Variants in TM4SF5 observed in about 807,000 individuals in gnomAD.
TM4SF5 encodes the protein transmembrane 4 L6 family member 5.
TM4SF5 carries 16 observed loss-of-function variants against 22.3 expected under a neutral mutation model. The observed-to-expected ratio is 0.72, with a 90% CI of 0.49 to 1.09. TM4SF5 has a LOEUF of 1.09. TM4SF5 is among the 50% of genes least tolerant of loss of function. The pLI is 0.00. For synonymous variants in TM4SF5, 113 were observed against 109.6 expected (o/e 1.03, Z -0.19); for missense variants, 249 against 266.1 (o/e 0.94, Z 0.45).
intron 2 of TM4SF5, 89 bp downstream of exon 2, chr17:4,780,958 C>T (rs1053360937): frequency 4.3e-5 from 48 of 1,125,544 alleles, no homozygotes; most frequent in African/African-American, 6.2e-5. Context: ...GGTGGGAGTA[C>T]GGCTTGAGCC....
At chr17:4,773,279 T>C (rs1045340546) in intron 1 of TM4SF5, among the ~76,000 whole-genome samples, 5 of 152,066 alleles carry the variant, frequency 3.3e-5, no homozygotes, top group Non-Finnish European at 5.9e-5. Flanking sequence ...GTGATCCTCC[T>C]GCCTCAGCCT....
At chr17:4,779,055 CAAAAA>C (rs1297196059) in intron 1 of TM4SF5, among the ~76,000 whole-genome samples, 1 of 54,740 alleles carries the variant, frequency 1.8e-5, no homozygotes. Flanking sequence ...GACTCCGTCT[CAAAAA>C]AAAAAAAAAA....
Position 4,782,519 on chromosome 17 carries a change from T to TCTCCCGAAC in TM4SF5, c.279_280insCGAACCTCC (p.Ser93_Ser94insArgThrSer). 1 of 1,613,570 alleles carries TCTCCCGAAC rather than the reference T, an allele frequency of 6.2e-7. No homozygotes were observed. Among genetic ancestry groups the TCTCCCGAAC allele is most frequent in the Non-Finnish European group, 8.5e-7 (1 of 1,179,958 alleles). The stretch of plus-strand genomic sequence containing the variant: ...CACATCCAGATGCTGCGCTCGGTCT[T>TCTCCCGAAC]CTCCTCGGCGTTCGGGGTGCTTGGT... On this transcript the variant is annotated inframe_insertion, in exon 3 of 5. Coordinates refer to ENST00000270560, the MANE Select transcript of TM4SF5 (RefSeq NM_003963.3).
At chr17:4,772,927 C>T (rs191678296) in intron 1 of TM4SF5, among the ~76,000 whole-genome samples, 20 of 151,930 alleles carry the variant, frequency 1.3e-4, no homozygotes, top group South Asian at 2.1e-4. Context: ...TTTTTTGAGA[C>T]GGAGTCTCGC....
chr17:4,776,356 C>T (rs1917205235), intron 1 of TM4SF5, among the ~76,000 whole-genome samples: 2 of 151,822 alleles, frequency 1.3e-5, no homozygotes, highest in Admixed American at 6.6e-5. Flanking sequence ...GGCTGGAGTA[C>T]AATGGCGCCA....
intron 1 of TM4SF5, among the ~76,000 whole-genome samples, chr17:4,772,797 C>T (rs571608589): frequency 2.3e-4 from 35 of 151,530 alleles, no homozygotes; most frequent in African/African-American, 7.7e-4. Context: ...CTCACTGTAG[C>T]CCCAACCTCC....
intron 1 of TM4SF5, among the ~76,000 whole-genome samples, chr17:4,779,260 G>A (rs2150647071): frequency 6.6e-6 from 1 of 151,638 alleles, no homozygotes; most frequent in Non-Finnish European, 1.5e-5. Context: ...AAGACCCCAT[G>A]TCTACAAAAT....
intron 1 of TM4SF5, 24 bp downstream of exon 1, chr17:4,772,123 C>A: frequency 6.2e-7 from 1 of 1,613,742 alleles, no homozygotes. Flanking sequence ...CAGGGGAGCC[C>A]GGGCCAGCTG....
At chr17:4,776,886 G>T (rs543925518) in intron 1 of TM4SF5, among the ~76,000 whole-genome samples, 5 of 152,102 alleles carry the variant, frequency 3.3e-5, no homozygotes, top group South Asian at 4.1e-4. Flanking sequence ...GTAGTAGAAG[G>T]TCTGCAATAT....
chr17:4,782,828 C>G, intron 3 of TM4SF5, 26 bp from the exon 4 acceptor site: 2 of 1,600,710 alleles, frequency 1.2e-6, no homozygotes, highest in Non-Finnish European at 1.7e-6. Flanking sequence ...GCTGCCTTCT[C>G]CCACGTGGCC....
intron 1 of TM4SF5, among the ~76,000 whole-genome samples, chr17:4,775,560 T>C (rs7214066): frequency 6.6e-6 from 1 of 151,574 alleles, no homozygotes; most frequent in Non-Finnish European, 1.5e-5. Flanking sequence ...CACCGCGCCA[T>C]GCCCTATTGA....
intron 1 of TM4SF5, among the ~76,000 whole-genome samples, chr17:4,779,941 C>A (rs1183185287): frequency 6.6e-6 from 1 of 152,078 alleles, no homozygotes; most frequent in Non-Finnish European, 1.5e-5. Flanking sequence ...TCAGACCATC[C>A]ACTAGCACTC....
Position 4,783,022 on chromosome 17 carries a change from T to C in TM4SF5, c.564T>C (p.Asp188=), listed in dbSNP as rs1676848731. The change falls in exon 4 of 5, where the codon GAT becomes GAC. Residue 188 remains aspartate (D), a synonymous_variant. Coordinates refer to ENST00000270560, the MANE Select transcript of TM4SF5 (RefSeq NM_003963.3). The part of the protein sequence containing the change: ...VNATIGVFCG[D]CRKKQDTPH ...CGACCATTGGTGTCTTCTGCGGCGA[T>C]TGCAGGAAAAAACAGGTGAAATTTC... 2.5e-6 allele frequency: 4 copies of C among 1,614,114 alleles called. No individual in the cohort carries two copies. Among genetic ancestry groups the C allele is most frequent in the Non-Finnish European group, 2.5e-6 (3 of 1,179,986 alleles).
intron 1 of TM4SF5, among the ~76,000 whole-genome samples, chr17:4,772,711 G>GTTTTTTTTTTT (rs1339883711): frequency 7.1e-6 from 1 of 141,248 alleles, no homozygotes; most frequent in African/African-American, 2.8e-5. Context: ...TTTTGTGTTT[G>GTTTTTTTTTTT]TTTTTTGTTT....
At chr17:4,781,340 A>G (rs1917307192) in intron 2 of TM4SF5, among the ~76,000 whole-genome samples, 1 of 150,710 alleles carries the variant, frequency 6.6e-6, no homozygotes. Flanking sequence ...CAAAAAAAAG[A>G]AAAGAAAAGA....
intron 2 of TM4SF5, 126 bp downstream of exon 2, chr17:4,780,995 A>T (rs1218767913): frequency 1.3e-6 from 1 of 756,770 alleles, no homozygotes; most frequent in Non-Finnish European, 2.1e-6. Flanking sequence ...CCCAGGAAAC[A>T]TGGCAAGATC....
At chr17:4,772,563 C>A (rs953995299) in intron 1 of TM4SF5, among the ~76,000 whole-genome samples, 2 of 152,130 alleles carry the variant, frequency 1.3e-5, no homozygotes, top group African/African-American at 4.8e-5. Flanking sequence ...CACTCTCACC[C>A]CACATTTCTG....
At position 4,772,928 on chromosome 17, in the gene TM4SF5, G is replaced by A. The variant is rs574939035; in HGVS notation, c.177+829G>A. Among the ~76,000 whole-genome samples the A allele has an allele frequency of 1.0e-3, 156 of 150,560 alleles. 1 individual carries two copies. The highest frequency in any genetic ancestry group is 1.8e-3 in the Non-Finnish European group (120 of 67,596). ...TTTATTATTATTATTTTTTTGAGAC[G>A]GAGTCTCGCTCTGTCGCCCAGGCTG... On this transcript the variant is annotated intron_variant, in intron 1 of 4. Transcript: ENST00000270560.
chr17:4,778,965 G>A (rs1254910184), intron 1 of TM4SF5, among the ~76,000 whole-genome samples: 1 of 151,040 alleles, frequency 6.6e-6, no homozygotes, highest in African/African-American at 2.4e-5. Context: ...GCTGAGGCAG[G>A]AGAATCACTT....
Sources: allele counts gnomAD v4.1 joint callset (sites outside exome capture counted in the v4.1 genomes callset), GRCh38; gene constraint gnomAD v4.1.1; transcripts MANE v1.5; gene names NCBI Gene and HGNC (gene_info 2026-07-23, HGNC 2026-07-21).